OR5H14: variants seen among roughly 807,000 people sequenced by gnomAD.
OR5H14 encodes olfactory receptor family 5 subfamily H member 14.
For synonymous variants in OR5H14, 155 were observed against 130.6 expected (o/e 1.19, Z -1.28); for missense variants, 392 against 363.9 (o/e 1.08, Z -0.63).
chr3:98,153,668 G>C lies in OR5H14; in HGVS notation c.*3350G>C, dbSNP rs866082059. ...GGGCATTTAGTTGAGAAGATTTTTA[G>C]ATTTTAAGCTCAAAGCATCTTTTGA... is the stretch of plus-strand genomic sequence containing the variant. On this transcript the variant is annotated 3_prime_UTR_variant, in exon 2 of 2. Coordinates refer to ENST00000641380, the MANE Select transcript of OR5H14 (RefSeq NM_001005514.2). The C allele has an allele frequency of 6.6e-6, 1 of 152,192 alleles. No individual in the cohort carries two copies. The highest frequency in any genetic ancestry group is 1.5e-5 in the Non-Finnish European group (1 of 68,034). 9.4% of individuals were successfully genotyped at this position (152,192 alleles called of 1,614,324 possible). A position where few individuals can be genotyped will look rare whatever the true frequency, so the allele number is the denominator to read the frequency against.
In OR5H14 at chr3:98,149,885, C is replaced by A. The variant is rs749684040; in HGVS notation, c.500C>A (p.Thr167Asn). ...CATGAAGGATTTTTATTCAGACTAA[C>A]CTTCTGTAACTCCAACATAATACAA... ...LIHEGFLFRL[T>N]FCNSNIIQHF... Residue 167 changes from threonine to asparagine, a missense_variant, in exon 2 of 2, where the codon ACC becomes AAC. Coordinates refer to ENST00000641380, the MANE Select transcript of OR5H14 (RefSeq NM_001005514.2). 69 of 1,613,054 alleles carry A rather than the reference C, an allele frequency of 4.3e-5. No homozygotes were observed. Among genetic ancestry groups the A allele is most frequent in the Admixed American group, 2.0e-4 (12 of 59,942 alleles).
At chr3:98,149,192 A>G (rs1390000280) in intron 1 of OR5H14, 176 bp from the exon 2 acceptor site, 1 of 720,484 alleles carries the variant, frequency 1.4e-6, no homozygotes, top group Non-Finnish European at 2.2e-6. Context: ...AAATTTTCAA[A>G]CTAAAATATG....
chr3:98,154,172 T>A lies in OR5H14; in HGVS notation c.*3854T>A, dbSNP rs961282105. The A allele has an allele frequency of 6.6e-6, 1 of 152,186 alleles. No homozygotes were observed. The highest frequency in any genetic ancestry group is 2.4e-5 in the African/African-American group (1 of 41,440). The allele number at this position is 152,186 out of a possible 1,614,324, so 9.4% of individuals were successfully genotyped here. On this transcript the variant is annotated 3_prime_UTR_variant, in exon 2 of 2. Transcript: ENST00000641380. ...TAGTCAGAGATTAATTCCTGTTTTG[T>A]TTATAAGATTACATGTCAGACCAGT... is the stretch of plus-strand genomic sequence containing the variant.
Position 98,152,416 on chromosome 3 carries a change from T to C in OR5H14, c.*2098T>C, listed in dbSNP as rs1708521936. On this transcript the variant is annotated 3_prime_UTR_variant, in exon 2 of 2. Transcript: ENST00000641380. Reference sequence around the variant, plus strand: ...AACCAACCCAAAGGCCCATCAAGTATAGACTGGATAAAGAAAATGTGGCAA... The same window carrying C: ...AACCAACCCAAAGGCCCATCAAGTACAGACTGGATAAAGAAAATGTGGCAA... The C allele has an allele frequency of 6.6e-6, 1 of 152,116 alleles. No individual in the cohort carries two copies. The highest frequency in any genetic ancestry group is 6.6e-5 in the Admixed American group (1 of 15,266). 9.4% of individuals were successfully genotyped at this position (152,116 alleles called of 1,614,324 possible).
In OR5H14 at chr3:98,156,040, T is replaced by C. The variant is rs1371946897; in HGVS notation, c.*5722T>C. ...AAGATGCTCTCAGGGGAATTTCAGTTCTCTGACTTTTTCTCTCCTGGTCAA... is the reference window on the plus strand; with the variant it reads ...AAGATGCTCTCAGGGGAATTTCAGTCCTCTGACTTTTTCTCTCCTGGTCAA... On this transcript the variant is annotated 3_prime_UTR_variant, in exon 2 of 2. Coordinates refer to ENST00000641380, the MANE Select transcript of OR5H14 (RefSeq NM_001005514.2). 1 of 152,178 alleles carries C rather than the reference T, an allele frequency of 6.6e-6. No homozygotes were observed. The highest frequency in any genetic ancestry group is 1.5e-5 in the Non-Finnish European group (1 of 68,012). 9.4% of individuals were successfully genotyped at this position (152,178 alleles called of 1,614,324 possible).
At chr3:98,148,155 T>A (rs946621295) in intron 1 of OR5H14, 4 of 151,832 alleles carry the variant, frequency 2.6e-5, no homozygotes, top group Non-Finnish European at 5.9e-5. Context: ...CTAGATCATG[T>A]CCCTTCACTC....
At position 98,150,340 on chromosome 3, in the gene OR5H14, C is replaced by G. The variant is rs1165502632; in HGVS notation, c.*22C>G. 17 of 1,444,068 alleles carry G rather than the reference C, an allele frequency of 1.2e-5. No homozygotes were observed. Among genetic ancestry groups the G allele is most frequent in the African/African-American group, 2.9e-5 (2 of 69,668 alleles). 89.5% of individuals were successfully genotyped at this position (1,444,068 alleles called of 1,614,324 possible). ...TTAGATCATTACTAATATCTCTTTT[C>G]TATTTACTAAAATGTCACAAAATTG... On this transcript the variant is annotated 3_prime_UTR_variant, in exon 2 of 2. Transcript: ENST00000641380.
Position 98,154,844 on chromosome 3 carries a change from A to G in OR5H14, c.*4526A>G, listed in dbSNP as rs1306745026. 24 of 152,234 alleles carry G rather than the reference A, an allele frequency of 1.6e-4. No individual in the cohort carries two copies. The highest frequency in any genetic ancestry group is 1.6e-3 in the Admixed American group (24 of 15,272). 9.4% of individuals were successfully genotyped at this position (152,234 alleles called of 1,614,324 possible). ...AGTTTGATTTTGAAACAAAGATGGT[A>G]ACAGTCTCTCCTCAAAGCAAACTTC... is the stretch of plus-strand genomic sequence containing the variant. On this transcript the variant is annotated 3_prime_UTR_variant, in exon 2 of 2. Transcript: ENST00000641380.
chr3:98,149,282 C>A (rs1271976796), intron 1 of OR5H14, 86 bp from the exon 2 acceptor site: 21 of 1,374,302 alleles, frequency 1.5e-5, no homozygotes, highest in Middle Eastern at 5.2e-4. Context: ...CTGATAATTG[C>A]ACACTTTATA....
Position 98,149,569 on chromosome 3 carries a change from C to T in OR5H14, c.184C>T (p.Leu62Phe). Residue 62 changes from leucine (L) to phenylalanine (F), a missense_variant, in exon 2 of 2, where the codon CTC (leucine) becomes TTC (phenylalanine). Coordinates refer to ENST00000641380, the MANE Select transcript of OR5H14 (RefSeq NM_001005514.2). ...TCATCTTCATATCCCAATGTACTTA[C>T]TCCTTGGGAATTTAGCTTTTGTGGA... ...DPHLHIPMYLLLGNLAFVDAL... is the reference protein window; with the variant it reads ...DPHLHIPMYLFLGNLAFVDAL... 3 of 1,613,562 alleles carry T rather than the reference C, an allele frequency of 1.9e-6. No homozygotes were observed. The highest frequency in any genetic ancestry group is 2.5e-6 in the Non-Finnish European group (3 of 1,179,588).
At chr3:98,148,596 C>T (rs1006249652) in intron 1 of OR5H14, among the ~76,000 whole-genome samples, 8 of 151,994 alleles carry the variant, frequency 5.3e-5, no homozygotes, top group African/African-American at 1.7e-4. Flanking sequence ...TTCTTCCCCA[C>T]CAAATATGTC....
intron 1 of OR5H14, 85 bp downstream of exon 1, chr3:98,147,639 G>A (rs930185218): frequency 1.3e-4 from 19 of 151,942 alleles, no homozygotes; most frequent in African/African-American, 4.3e-4. Context: ...TTTTTGATCA[G>A]GTATACAAGC....
chr3:98,152,809 A>G lies in OR5H14; in HGVS notation c.*2491A>G, dbSNP rs1708526029. On this transcript the variant is annotated 3_prime_UTR_variant, in exon 2 of 2. Transcript: ENST00000641380. ...TATCCCAGAACTTAAAGTATAAAGA[A>G]GAAAAAAGTTAACATTTTCTTTACC... 2 of 152,194 alleles carry G rather than the reference A, an allele frequency of 1.3e-5. No homozygotes were observed. Among genetic ancestry groups the G allele is most frequent in the African/African-American group, 4.8e-5 (2 of 41,448 alleles). The allele number at this position is 152,194 out of a possible 1,614,324, so 9.4% of individuals were successfully genotyped here. A position where few individuals can be genotyped will look rare whatever the true frequency, so the allele number is the denominator to read the frequency against.
Position 98,150,495 on chromosome 3 carries a change from G to A in OR5H14, c.*177G>A, listed in dbSNP as rs1486033809. On this transcript the variant is annotated 3_prime_UTR_variant, in exon 2 of 2. Coordinates refer to ENST00000641380, the MANE Select transcript of OR5H14 (RefSeq NM_001005514.2). The stretch of plus-strand genomic sequence containing the variant: ...TAAAATATTCCTATGTTATTCAAAA[G>A]GATTTGAGAAATTTTAATCAAGTCT... The A allele has an allele frequency of 2.3e-6, 1 of 438,164 alleles. No individual in the cohort carries two copies. Among genetic ancestry groups the A allele is most frequent in the Non-Finnish European group, 4.0e-6 (1 of 248,682 alleles). 27.1% of individuals were successfully genotyped at this position (438,164 alleles called of 1,614,324 possible). A position where few individuals can be genotyped will look rare whatever the true frequency, so the allele number is the denominator to read the frequency against.
intron 1 of OR5H14, 76 bp from the exon 2 acceptor site, chr3:98,149,292 A>G (rs1417178799): frequency 2.0e-5 from 30 of 1,468,888 alleles, no homozygotes; most frequent in Non-Finnish European, 2.8e-5. Context: ...CACACTTTAT[A>G]TCAACACCTC....
At chr3:98,147,905 C>A (rs1576103331) in intron 1 of OR5H14, 1 of 151,994 alleles carries the variant, frequency 6.6e-6, no homozygotes, top group Non-Finnish European at 1.5e-5. Context: ...GTACCCATTC[C>A]TTTTAATTAA....
In OR5H14 at chr3:98,149,993, C is replaced by T. The variant is rs1188449310; in HGVS notation, c.608C>T (p.Ala203Val). ...AACTTTCTAATGGTTTTTATTTTTGCAGGTTCAATTCAAGTTTTTACCATA... is the reference window on the plus strand; with the variant it reads ...AACTTTCTAATGGTTTTTATTTTTGTAGGTTCAATTCAAGTTTTTACCATA... ...SINFLMVFIF[A>V]GSIQVFTIGT... Residue 203 changes from alanine to valine, a missense_variant, in exon 2 of 2, where the codon GCA (alanine) becomes GTA (valine). By Grantham distance (64) the Ala-to-Val change is moderately conservative (BLOSUM62 0). Transcript: ENST00000641380. The T allele has an allele frequency of 6.2e-7, 1 of 1,612,882 alleles. No homozygotes were observed.
rs141096809 is a variant in OR5H14 at position 98,149,980 on chromosome 3, G to A, written c.595G>A (p.Val199Ile). The change falls in exon 2 of 2, where the codon GTT becomes ATT. Residue 199 changes from valine to isoleucine, a missense_variant. Val to Ile is a conservative substitution (Grantham distance 29, BLOSUM62 3). Coordinates refer to ENST00000641380, the MANE Select transcript of OR5H14 (RefSeq NM_001005514.2). ...TGATTCCTCTATTAACTTTCTAATG[G>A]TTTTTATTTTTGCAGGTTCAATTCA... ...YTDSSINFLM[V>I]FIFAGSIQVF... The A allele has an allele frequency of 8.2e-5, 133 of 1,612,898 alleles. 1 individual carries two copies. In the African/African-American group the frequency reaches 1.5e-3, roughly 19 times the overall value.
At position 98,155,159 on chromosome 3, in the gene OR5H14, G is replaced by A. The variant is rs1708569065; in HGVS notation, c.*4841G>A. 3 of 152,342 alleles carry A rather than the reference G, an allele frequency of 2.0e-5. No individual in the cohort carries two copies. Among genetic ancestry groups the A allele is most frequent in the Admixed American group, 6.5e-5 (1 of 15,280 alleles). The allele number at this position is 152,342 out of a possible 1,614,324, so 9.4% of individuals were successfully genotyped here. On this transcript the variant is annotated 3_prime_UTR_variant, in exon 2 of 2. Coordinates refer to ENST00000641380, the MANE Select transcript of OR5H14 (RefSeq NM_001005514.2). The stretch of plus-strand genomic sequence containing the variant: ...ACAAGAAGACAGTTTTAACCCCTAT[G>A]ATTTTATCCCCAACACAACCAATCA...
Sources: allele counts gnomAD v4.1 joint callset (sites outside exome capture counted in the v4.1 genomes callset), GRCh38; gene constraint gnomAD v4.1.1; transcripts MANE v1.5; gene names NCBI Gene and HGNC (gene_info 2026-07-23, HGNC 2026-07-21).